NAV1: variants seen among roughly 807,000 people sequenced by gnomAD.
NAV1 encodes pore membrane and/or filament interacting like protein 3.
In NAV1, 18 loss-of-function variants were observed where a neutral mutation model predicts 175.2. The ratio of observed to expected loss-of-function variants is 0.10; its 90% CI spans 0.07 to 0.15. The LOEUF is 0.15. NAV1 is among the 10% of genes least tolerant of loss of function. NAV1 has a pLI of 1.00. For missense variants in NAV1, 1,731 were observed against 2,436.6 expected, an observed-to-expected ratio of 0.71 and a Z score of 6.10; for synonymous variants, 897 against 978.7, an observed-to-expected ratio of 0.92 and a Z score of 1.56.
intron 1 of NAV1, 80 bp downstream of exon 5, chr1:201,649,505 C>G: frequency 7.0e-7 from 1 of 1,436,572 alleles, no homozygotes. Context: ...GAAAGCGAAG[C>G]CCCCTCCCCT....
intron 2 of NAV1, among the ~76,000 whole-genome samples, chr1:201,634,235 G>A (rs145129586): frequency 3.9e-5 from 6 of 152,322 alleles, no homozygotes; most frequent in African/African-American, 9.6e-5. Context: ...TTGGTAAAGC[G>A]CTTAGAAGAA....
At chr1:201,804,052 C>A (rs1489151593) in intron 16 of NAV1, 1 of 502,430 alleles carries the variant, frequency 2.0e-6, no homozygotes. Flanking sequence ...CCCCCCATTC[C>A]CTTCTATACT....
chr1:201,624,488 C>T (rs755227683), intron 1 of NAV1, among the ~76,000 whole-genome samples: 14 of 151,542 alleles, frequency 9.2e-5, no homozygotes, highest in African/African-American at 2.9e-4. Context: ...GGACTACAGG[C>T]GCCCACCACC....
chr1:201,738,267 A>G (rs1472188405), intron 3 of NAV1, among the ~76,000 whole-genome samples: 1 of 152,100 alleles, frequency 6.6e-6, no homozygotes, highest in East Asian at 1.9e-4. Flanking sequence ...GGATCACTGC[A>G]GCTCTTTACT....
At chr1:201,595,540 G>A (rs1451706310) in intron 2 of NAV1, among the ~76,000 whole-genome samples, 1 of 152,188 alleles carries the variant, frequency 6.6e-6, no homozygotes, top group East Asian at 1.9e-4. Flanking sequence ...TGCTCACCAG[G>A]TCCCTCCTCT....
At chr1:201,746,876 C>T (rs779926299) in intron 3 of NAV1, among the ~76,000 whole-genome samples, 8 of 151,818 alleles carry the variant, frequency 5.3e-5, no homozygotes, top group East Asian at 1.9e-4. Flanking sequence ...TGGTGGCACA[C>T]GCCTGTAGTT....
chr1:201,689,858 G>A (rs928335834), intron 1 of NAV1, among the ~76,000 whole-genome samples: 16 of 152,188 alleles, frequency 1.1e-4, no homozygotes, highest in Admixed American at 5.2e-4. Flanking sequence ...GCTCCCCAGA[G>A]TGTGTCTATT....
chr1:201,775,939 C>T (rs1243119400), intron 3 of NAV1, among the ~76,000 whole-genome samples: 1 of 151,982 alleles, frequency 6.6e-6, no homozygotes, highest in African/African-American at 2.4e-5. Context: ...CGCCTATAAT[C>T]CCAGCTACTC....
intron 2 of NAV1, among the ~76,000 whole-genome samples, chr1:201,630,917 T>C (rs1668463780): frequency 6.6e-6 from 1 of 152,224 alleles, no homozygotes; most frequent in Non-Finnish European, 1.5e-5. Context: ...CCAGCGCTCG[T>C]TCACGATTAT....
At chr1:201,669,725 C>G (rs1246625015) in intron 1 of NAV1, among the ~76,000 whole-genome samples, 2 of 152,174 alleles carry the variant, frequency 1.3e-5, no homozygotes, top group African/African-American at 4.8e-5. Context: ...ACCACAGTGG[C>G]CTGGGTAGGG....
chr1:201,804,621 A>G (rs1678164785), intron 17 of NAV1, 124 bp downstream of exon 21: 13 of 898,568 alleles, frequency 1.4e-5, no homozygotes, highest in Non-Finnish European at 2.2e-5. Flanking sequence ...CACTCATAAC[A>G]CTAACTGTAA....
chr1:201,547,992 C>T (rs1312022985), intron 1 of NAV1, among the ~76,000 whole-genome samples: 1 of 152,106 alleles, frequency 6.6e-6, no homozygotes, highest in Non-Finnish European at 1.5e-5. Context: ...CGGGGTTCCA[C>T]CATCTTGGCC....
exon 30 of NAV1, chr1:201,821,189 CTGTCTT>C (rs1216066925): frequency 6.6e-6 from 1 of 152,664 alleles, no homozygotes; most frequent in Admixed American, 6.5e-5. Flanking sequence ...AAACATTCCT[CTGTCTT>C]GTGGCCAGTT....
At chr1:201,675,345 C>T (rs767005736) in intron 1 of NAV1, among the ~76,000 whole-genome samples, 2 of 152,200 alleles carry the variant, frequency 1.3e-5, no homozygotes, top group Non-Finnish European at 2.9e-5. Flanking sequence ...CTCCTGAGAT[C>T]CCTGCCCCGG....
At position 201,740,870 on chromosome 1, in the gene NAV1, A is replaced by C. The variant is rs1025987295; in HGVS notation, c.1226+22115A>C. On this transcript the variant is annotated intron_variant, in intron 3 of 29. Coordinates refer to ENST00000367296, the Ensembl canonical transcript of NAV1. The surrounding 1 kb of genome is among the most constrained non-coding windows in gnomAD (Gnocchi z 4.7). Reference sequence around the variant, plus strand: ...ACTGCACTTCCAAGGGAGAATTAGGAAATTCCACCGGCCTGAGAAAGGGGG... The same window carrying C: ...ACTGCACTTCCAAGGGAGAATTAGGCAATTCCACCGGCCTGAGAAAGGGGG... Among the ~76,000 whole-genome samples, 1 of 151,996 alleles carries C rather than the reference A, an allele frequency of 6.6e-6. No homozygotes were observed. The highest frequency in any genetic ancestry group is 6.5e-5 in the Admixed American group (1 of 15,270).
At chr1:201,664,518 G>A (rs888826052) in intron 1 of NAV1, among the ~76,000 whole-genome samples, 1 of 152,212 alleles carries the variant, frequency 6.6e-6, no homozygotes, top group African/African-American at 2.4e-5. Context: ...ACTGAGCACA[G>A]TGCCTAGCAA....
At chr1:201,621,521 G>A (rs992532331), upstream of NAV1, among the ~76,000 whole-genome samples, 3 of 151,228 alleles carry the variant, frequency 2.0e-5, no homozygotes, top group South Asian at 2.1e-4. Flanking sequence ...TAGTAGAGAC[G>A]GGGTTTCATC....
At chr1:201,647,408 C>G (rs1669009898), upstream of NAV1, among the ~76,000 whole-genome samples, 3 of 152,316 alleles carry the variant, frequency 2.0e-5, no homozygotes, top group Admixed American at 2.0e-4. Flanking sequence ...CTCTTGATTC[C>G]CTAGGTTTGA....
At chr1:201,586,818 G>C (rs1571833740) in intron 1 of NAV1, among the ~76,000 whole-genome samples, 1 of 152,054 alleles carries the variant, frequency 6.6e-6, no homozygotes, top group East Asian at 1.9e-4. Flanking sequence ...CCACACTATA[G>C]GTTATGTGGG....
Sources: gnomAD v4.1 joint callset for allele counts (sites outside exome capture counted in the v4.1 genomes callset) on GRCh38, gnomAD v4.1.1 for gene constraint, Gnocchi (gnomAD v3.1) non-coding constraint, MANE v1.5 for transcripts, NCBI Gene and HGNC (gene_info 2026-07-23, HGNC 2026-07-21) for gene names.